ABHD16A: variants seen among roughly 807,000 people sequenced by gnomAD.
ABHD16A encodes the protein phosphatidylserine lipase ABHD16A.
ABHD16A carries 47 observed loss-of-function variants against 89.8 expected under a neutral mutation model. That is an observed-to-expected ratio of 0.52 (90% CI 0.41 to 0.67). The LOEUF (loss-of-function observed/expected upper bound fraction) is 0.67, where lower values mean the gene tolerates loss of function less well. ABHD16A is among the 30% of genes least tolerant of loss of function. The pLI, the probability that ABHD16A is intolerant of heterozygous loss-of-function variation, is 0.00. For synonymous variants in ABHD16A, 251 were observed against 280.4 expected, an observed-to-expected ratio of 0.90 and a Z score of 1.05; for missense variants, 580 against 734.6, an observed-to-expected ratio of 0.79 and a Z score of 2.43.
rs1803571496 is a variant in ABHD16A, at chr6:31,688,934, A to G, written c.1186+81T>C. ...AATGGGGCGACTTACTCCCCACCCA[A>G]GAAAAGGGAGCCATCTCAGAACAGT... is the stretch of plus-strand genomic sequence containing the variant. On this transcript the variant is annotated intron_variant, in intron 13 of 19. Transcript: ENST00000395952. The surrounding 1 kb of genome is among the most constrained non-coding windows in gnomAD (Gnocchi z 4.9). The G allele has an allele frequency of 1.2e-5, 18 of 1,454,592 alleles. No individual in the cohort carries two copies. The highest frequency in any genetic ancestry group is 1.6e-5 in the Non-Finnish European group (17 of 1,062,056). The allele number at this position is 1,454,592 out of a possible 1,614,324, so 90.1% of individuals were successfully genotyped here. A position where few individuals can be genotyped will look rare whatever the true frequency, so the allele number is the denominator to read the frequency against.
At chr6:31,697,110 G>A in intron 4 of ABHD16A, 77 bp from the exon 5 acceptor site, 2 of 1,348,676 alleles carry the variant, frequency 1.5e-6, no homozygotes, top group Non-Finnish European at 2.1e-6. Context: ...AAGAATTGGA[G>A]ATGGGCTAGA....
In ABHD16A at chr6:31,687,945, T is replaced by C. The variant is rs1468436526; in HGVS notation, c.1371-45A>G. The C allele has an allele frequency of 6.2e-7, 1 of 1,612,336 alleles. No individual in the cohort carries two copies. The highest frequency in any genetic ancestry group is 8.5e-7 in the Non-Finnish European group (1 of 1,179,780). On this transcript the variant is annotated intron_variant, in intron 16 of 19. Coordinates refer to ENST00000395952, the MANE Select transcript of ABHD16A (RefSeq NM_021160.3). This position sits in a 1 kb window ranked among gnomAD's most constrained non-coding sequence, Gnocchi z 6.3. ...ACAGGTCAGGGCTGATTTTTTTTCATTCACCATCCCTGAACCTTCCTCCCT... is the reference window on the plus strand; with the variant it reads ...ACAGGTCAGGGCTGATTTTTTTTCACTCACCATCCCTGAACCTTCCTCCCT...
Position 31,693,060 on chromosome 6 carries a change from T to C in ABHD16A, c.593A>G (p.Asn198Ser). 6.2e-7 allele frequency: 1 copy of C among 1,614,124 alleles called. No homozygotes were observed. The highest frequency in any genetic ancestry group is 8.5e-7 in the Non-Finnish European group (1 of 1,180,014). ...CTGACAAGGCAGCTTCTTAACCCGG[T>C]TGAGGAGGGTGTCTGCTGTCCCCCG... ...LHRGTADTLLNRVKKLPCQIT... is the reference protein window; with the variant it reads ...LHRGTADTLLSRVKKLPCQIT... The change falls in exon 7 of 20, where the codon AAC (asparagine) becomes AGC (serine). Residue 198 changes from asparagine (N) to serine (S), a missense_variant. Coordinates refer to ENST00000395952, the MANE Select transcript of ABHD16A (RefSeq NM_021160.3). The surrounding 1 kb of genome is among the most constrained non-coding windows in gnomAD (Gnocchi z 5.0).
Position 31,687,954 on chromosome 6 carries a change from C to T in ABHD16A, c.1371-54G>A. On this transcript the variant is annotated intron_variant, in intron 16 of 19. Transcript: ENST00000395952. This position sits in a 1 kb window ranked among gnomAD's most constrained non-coding sequence, Gnocchi z 6.3. ...GGCTGATTTTTTTTCATTCACCATC[C>T]CTGAACCTTCCTCCCTCCTTCCCTG... The T allele has an allele frequency of 6.2e-7, 1 of 1,612,444 alleles. No individual in the cohort carries two copies.
At position 31,689,734 on chromosome 6, in the gene ABHD16A, T is replaced by C. The variant is rs1452278398; in HGVS notation, c.958-30A>G. 8 of 1,592,532 alleles carry C rather than the reference T, an allele frequency of 5.0e-6. No individual in the cohort carries two copies. In the African/African-American group the frequency reaches 8.0e-5, roughly 16 times the overall value. On this transcript the variant is annotated intron_variant, in intron 11 of 19. Coordinates refer to ENST00000395952, the MANE Select transcript of ABHD16A (RefSeq NM_021160.3). ...AGGAGAAAGGGCAAAGTCAGGAGTG[T>C]GTCAGCACCAAAGGCCAGCTCACCT...
At position 31,687,264 on chromosome 6, in the gene ABHD16A, G is replaced by A. The variant is rs759878161; in HGVS notation, c.1625C>T (p.Thr542Ile). 1 of 1,612,992 alleles carries A rather than the reference G, an allele frequency of 6.2e-7. No homozygotes were observed. Among genetic ancestry groups the A allele is most frequent in the Non-Finnish European group, 8.5e-7 (1 of 1,179,994 alleles). The part of the protein sequence containing the change: ...ARKHLHNFEA[T>I]HCTPLPAQNF... ...CTGGGCTGGGAGTGGGGTGCAGTGA[G>A]TGGCCTCAAAGTTGTGCAGATGCTT... The change falls in exon 20 of 20, where the codon ACT becomes ATT. Residue 542 changes from threonine (T) to isoleucine (I), a missense_variant. Coordinates refer to ENST00000395952, the MANE Select transcript of ABHD16A (RefSeq NM_021160.3). The surrounding 1 kb of genome is among the most constrained non-coding windows in gnomAD (Gnocchi z 6.3).
At chr6:31,702,698 G>A (rs1212717364) in intron 1 of ABHD16A, 14 of 1,545,940 alleles carry the variant, frequency 9.1e-6, no homozygotes, top group Non-Finnish European at 1.2e-5. Context: ...ACGGATACAG[G>A]ATCTGTAAAA....
Position 31,697,022 on chromosome 6 carries a change from A to T in ABHD16A, c.355T>A (p.Trp119Arg). The T allele has an allele frequency of 6.2e-7, 1 of 1,613,052 alleles. No individual in the cohort carries two copies. The highest frequency in any genetic ancestry group is 8.5e-7 in the Non-Finnish European group (1 of 1,179,978). The change falls in exon 5 of 20, where the codon TGG (tryptophan) becomes AGG (arginine). Residue 119 changes from tryptophan (W) to arginine (R), a missense_variant. Physicochemically the swap from Trp to Arg is moderately radical, Grantham distance 101 (BLOSUM62 -3). Around this residue, in one of 2 missense-constraint regions of ABHD16A, gnomAD observed 165 missense variants for 165.8 expected, o/e 1.00. Coordinates refer to ENST00000395952, the MANE Select transcript of ABHD16A (RefSeq NM_021160.3). ...GVACLRGIGR[W>R]TNPQYRQFIT... Reference sequence around the variant, plus strand: ...AACTGCCGGTACTGGGGGTTGGTCCAGCGGCCAATGCCTGGTAGAAAAAGG... The same window carrying T: ...AACTGCCGGTACTGGGGGTTGGTCCTGCGGCCAATGCCTGGTAGAAAAAGG...
intron 5 of ABHD16A, 122 bp downstream of exon 5, chr6:31,696,826 C>T: frequency 1.1e-6 from 1 of 919,496 alleles, no homozygotes; most frequent in South Asian, 1.4e-5. Flanking sequence ...AGCAAACACC[C>T]AGTGTGGTGG....
intron 4 of ABHD16A, among the ~76,000 whole-genome samples, chr6:31,700,184 A>G (rs1287132219): frequency 6.7e-6 from 1 of 150,208 alleles, no homozygotes. Flanking sequence ...GGAGTGCAGT[A>G]GCGCAATCTC....
chr6:31,701,456 A>T, intron 2 of ABHD16A, 116 bp from the exon 3 acceptor site: 1 of 840,554 alleles, frequency 1.2e-6, no homozygotes, highest in Middle Eastern at 2.2e-4. Context: ...ATCATATCAT[A>T]TTTGGTGTAT....
Position 31,688,396 on chromosome 6 carries a change from C to A in ABHD16A, c.1251-91G>T. ...TATCCCTGCACTGGTAGCATTCTTA[C>A]CCTCCCCTTGCTATAGCACAGCCCT... On this transcript the variant is annotated intron_variant, in intron 14 of 19. Transcript: ENST00000395952. The surrounding 1 kb of genome is among the most constrained non-coding windows in gnomAD (Gnocchi z 4.9). 6.0e-6 allele frequency: 8 copies of A among 1,330,880 alleles called. No individual in the cohort carries two copies. The highest frequency in any genetic ancestry group is 8.6e-6 in the Non-Finnish European group (8 of 928,944). The allele number at this position is 1,330,880 out of a possible 1,614,324, so 82.4% of individuals were successfully genotyped here.
At chr6:31,700,516 T>C (rs917730583) in intron 4 of ABHD16A, among the ~76,000 whole-genome samples, 18 of 152,244 alleles carry the variant, frequency 1.2e-4, no homozygotes, top group Non-Finnish European at 2.4e-4. Context: ...TGCTGTATTC[T>C]TGTACATCTA....
chr6:31,688,321 C>G lies in ABHD16A; in HGVS notation c.1251-16G>C. The G allele has an allele frequency of 6.2e-7, 1 of 1,613,550 alleles. No individual in the cohort carries two copies. Among genetic ancestry groups the G allele is most frequent in the Non-Finnish European group, 8.5e-7 (1 of 1,179,548 alleles). On this transcript the variant is annotated splice_polypyrimidine_tract_variant and intron_variant, in intron 14 of 19. Coordinates refer to ENST00000395952, the MANE Select transcript of ABHD16A (RefSeq NM_021160.3). This position sits in a 1 kb window ranked among gnomAD's most constrained non-coding sequence, Gnocchi z 4.9. ...ACCCTGGTATCTTCAGAGAACAGAGCAGTGGGAAGGGAGAGCTCAGAGGGA... is the reference window on the plus strand; with the variant it reads ...ACCCTGGTATCTTCAGAGAACAGAGGAGTGGGAAGGGAGAGCTCAGAGGGA...
Position 31,687,339 on chromosome 6 carries a change from G to A in ABHD16A, c.1594-44C>T. 1 of 1,605,812 alleles carries A rather than the reference G, an allele frequency of 6.2e-7. No individual in the cohort carries two copies. Among genetic ancestry groups the A allele is most frequent in the Middle Eastern group, 1.7e-4 (1 of 5,926 alleles). ...ACAGGTGGGGTACAGAGCACTGTTG[G>A]GAGGGGCAGCCACTGGACTCCCTCC... is the stretch of plus-strand genomic sequence containing the variant. On this transcript the variant is annotated intron_variant, in intron 19 of 19. Transcript: ENST00000395952. The surrounding 1 kb of genome is among the most constrained non-coding windows in gnomAD (Gnocchi z 6.3).
chr6:31,703,059 T>C, intron 1 of ABHD16A, 91 bp downstream of exon 1: 7 of 1,370,992 alleles, frequency 5.1e-6, no homozygotes, highest in South Asian at 4.2e-5. Context: ...CAGGCTCCCC[T>C]TATTTCCCAT....
intron 9 of ABHD16A, among the ~76,000 whole-genome samples, chr6:31,691,129 G>T (rs944635876): frequency 3.9e-5 from 6 of 152,108 alleles, no homozygotes; most frequent in African/African-American, 1.4e-4. Flanking sequence ...TTCCACGGCT[G>T]CTTCATGGAG....
Position 31,687,532 on chromosome 6 carries a change from C to T in ABHD16A, c.1559G>A (p.Ser520Asn), listed in dbSNP as rs1271601356. 4 of 1,613,126 alleles carry T rather than the reference C, an allele frequency of 2.5e-6. No individual in the cohort carries two copies. Among genetic ancestry groups the T allele is most frequent in the Non-Finnish European group, 3.4e-6 (4 of 1,180,014 alleles). ...DFPWSVGEDM[S>N]ADGRRQLALF... is the part of the protein sequence containing the mutation. ...AGCCAGCTGCCGCCGTCCATCTGCA[C>T]TCATGTCCTCCCCTGCAGAGAGGAG... Residue 520 changes from serine to asparagine, a missense_variant, in exon 19 of 20, where the codon AGT (serine) becomes AAT (asparagine). By Grantham distance (46) the Ser-to-Asn change is conservative (BLOSUM62 1). This residue lies in a region of ABHD16A where 415 missense variants were observed against 568.8 expected (regional missense o/e 0.73). Transcript: ENST00000395952. This position sits in a 1 kb window ranked among gnomAD's most constrained non-coding sequence, Gnocchi z 6.3.
In ABHD16A at chr6:31,687,775, C is replaced by A. The variant is rs1432531133; in HGVS notation, c.1448-35G>T. On this transcript the variant is annotated intron_variant, in intron 17 of 19. Coordinates refer to ENST00000395952, the MANE Select transcript of ABHD16A (RefSeq NM_021160.3). This position sits in a 1 kb window ranked among gnomAD's most constrained non-coding sequence, Gnocchi z 6.3. Reference sequence around the variant, plus strand: ...GAGAGAGATGACAGCCAGTCAGCAACCTGACCTTGCTGGGCCCCCGCCCCA... The same window carrying A: ...GAGAGAGATGACAGCCAGTCAGCAAACTGACCTTGCTGGGCCCCCGCCCCA... The A allele has an allele frequency of 1.2e-6, 2 of 1,612,814 alleles. No individual in the cohort carries two copies. The highest frequency in any genetic ancestry group is 1.6e-4 in the Middle Eastern group (1 of 6,062).
Sources: allele counts gnomAD v4.1 joint callset (sites outside exome capture counted in the v4.1 genomes callset), GRCh38; gene constraint gnomAD v4.1.1; regional missense constraint gnomAD v4.1.1; non-coding constraint Gnocchi (gnomAD v3.1); transcripts MANE v1.5; gene names NCBI Gene and HGNC (gene_info 2026-07-23, HGNC 2026-07-21).